Variants in RAB37 observed in about 807,000 individuals in gnomAD.
RAB37 encodes RAB37, member RAS oncogene family, also known as ras-related protein Rab-37.
In RAB37, 29 loss-of-function variants were observed where a neutral mutation model predicts 33.1. That is an observed-to-expected ratio of 0.88 (90% CI 0.65 to 1.20). The LOEUF (loss-of-function observed/expected upper bound fraction) is 1.20. Among genes scored for constraint, RAB37 ranks in the 50% most tolerant of loss-of-function variants. The pLI is 0.00. For synonymous variants in RAB37, 128 were observed against 119.5 expected (o/e 1.07, Z -0.47); for missense variants, 299 against 301.1 (o/e 0.99, Z 0.05).
intron 1 of RAB37, chr17:74,677,423 T>C (rs1359800732): frequency 6.6e-6 from 1 of 152,194 alleles, no homozygotes. Flanking sequence ...GAAACAATGA[T>C]AATGATAATG....
At position 74,716,813 on chromosome 17, in the gene RAB37, G is replaced by A. The variant is rs546686847; in HGVS notation, c.73-12443G>A. Among the ~76,000 whole-genome samples, 41 of 152,320 alleles carry A rather than the reference G, an allele frequency of 2.7e-4. No homozygotes were observed. The South Asian group carries it at 7.7e-3, about 28-fold the overall frequency. ...AGAATCCCGGAGCTGGTTGTCACCA[G>A]GGCGTCCACTCCAAGGTTGTTTTTT... is the stretch of plus-strand genomic sequence containing the variant. On this transcript the variant is annotated intron_variant, in intron 1 of 7. Coordinates refer to the RAB37 transcript ENST00000340415.
In RAB37 at chr17:74,740,761, C is replaced by T. The variant is rs761242719; in HGVS notation, c.94-7C>T. 14 of 1,605,178 alleles carry T rather than the reference C, an allele frequency of 8.7e-6. No homozygotes were observed. The highest frequency in any genetic ancestry group is 4.5e-5 in the East Asian group (2 of 44,830). ...CCCCATTAACTGCCTCTGCCCCTAC[C>T]CCCTAGGTGATGCTTCTGGGAGACA... On this transcript the variant is annotated splice_region_variant and splice_polypyrimidine_tract_variant and intron_variant, in intron 1 of 8. Transcript: ENST00000392613.
chr17:74,741,971 C>T (rs1480909941), intron 2 of RAB37, among the ~76,000 whole-genome samples: 1 of 152,204 alleles, frequency 6.6e-6, no homozygotes, highest in Non-Finnish European at 1.5e-5. Flanking sequence ...ACCAGCCCTC[C>T]AGCCCTGGGC....
chr17:74,728,193 C>T (rs545681837), intron 1 of RAB37, among the ~76,000 whole-genome samples: 12 of 149,614 alleles, frequency 8.0e-5, no homozygotes, highest in South Asian at 2.1e-4. Context: ...CATGTCTGTG[C>T]GAATGTGTGT....
intron 1 of RAB37, chr17:74,694,297 A>G (rs886976858): frequency 7.2e-5 from 11 of 152,350 alleles, no homozygotes; most frequent in African/African-American, 2.6e-4. Context: ...GCTGTAACAA[A>G]TTAGCACCAA....
chr17:74,743,429 G>T, intron 5 of RAB37, 89 bp downstream of exon 5: 1 of 1,359,242 alleles, frequency 7.4e-7, no homozygotes, highest in South Asian at 1.2e-5. Context: ...TGTGGAAAGC[G>T]GGTGGAGCGT....
In RAB37 at chr17:74,745,324, C is replaced by A. The variant is rs201075341; in HGVS notation, c.585C>A (p.Ala195=). ...CTTCAAGGGAACTGAAATACCGGGC[C>A]GGGCATCAGGCGGATGAGCCCAGCT... ...LAIAKELKYR[A]GHQADEPSFQ... The change falls in exon 9 of 9, where the codon GCC becomes GCA. Residue 195 remains alanine (A), a synonymous_variant. Coordinates refer to ENST00000392613, the MANE Select transcript of RAB37 (RefSeq NM_001006638.3). The surrounding 1 kb of genome is among the most constrained non-coding windows in gnomAD (Gnocchi z 4.5). The A allele has an allele frequency of 1.9e-6, 3 of 1,614,034 alleles. No individual in the cohort carries two copies. Among genetic ancestry groups the A allele is most frequent in the Non-Finnish European group, 8.5e-7 (1 of 1,179,980 alleles).
intron 1 of RAB37, among the ~76,000 whole-genome samples, chr17:74,701,236 T>A: frequency 6.6e-6 from 1 of 152,234 alleles, no homozygotes; most frequent in East Asian, 1.9e-4. Context: ...GTCAATTAAT[T>A]GTGTCAACCC....
Position 74,742,368 on chromosome 17 carries a change from G to A in RAB37, c.246+73G>A, listed in dbSNP as rs549510945. ...TTCCTTCTCACCCTGAACCACAGGAGGCCTGCAGCCCTGCCCTCCGCCTGG... is the reference window on the plus strand; with the variant it reads ...TTCCTTCTCACCCTGAACCACAGGAAGCCTGCAGCCCTGCCCTCCGCCTGG... On this transcript the variant is annotated intron_variant, in intron 3 of 8. Coordinates refer to ENST00000392613, the MANE Select transcript of RAB37 (RefSeq NM_001006638.3). The surrounding 1 kb of genome is among the most constrained non-coding windows in gnomAD (Gnocchi z 4.0). 16 of 1,274,822 alleles carry A rather than the reference G, an allele frequency of 1.3e-5. 1 individual carries two copies. In the South Asian group the frequency reaches 1.8e-4, roughly 14 times the overall value. The allele number at this position is 1,274,822 out of a possible 1,614,324, so 79.0% of individuals were successfully genotyped here.
chr17:74,672,482 G>A (rs1213681457), intron 1 of RAB37, among the ~76,000 whole-genome samples: 1 of 152,086 alleles, frequency 6.6e-6, no homozygotes, highest in Admixed American at 6.6e-5. Flanking sequence ...TGATCCTATA[G>A]GTGGAGTTTT....
chr17:74,697,249 A>G, intron 1 of RAB37, among the ~76,000 whole-genome samples: 1 of 152,020 alleles, frequency 6.6e-6, no homozygotes, highest in East Asian at 1.9e-4. Flanking sequence ...CAGAGATTGG[A>G]TTGGATTGTT....
At chr17:74,684,959 T>C (rs2032026136) in intron 1 of RAB37, among the ~76,000 whole-genome samples, 1 of 152,136 alleles carries the variant, frequency 6.6e-6, no homozygotes, top group Non-Finnish European at 1.5e-5. Flanking sequence ...AATCACTACA[T>C]AGAATTCCAT....
At chr17:74,727,618 C>T (rs560885373) in intron 1 of RAB37, among the ~76,000 whole-genome samples, 2 of 152,256 alleles carry the variant, frequency 1.3e-5, no homozygotes, top group African/African-American at 2.4e-5. Context: ...GCAAACATGA[C>T]AATGATGGCT....
chr17:74,713,948 G>C (rs1422874526), intron 1 of RAB37, among the ~76,000 whole-genome samples: 1 of 141,356 alleles, frequency 7.1e-6, no homozygotes, highest in Non-Finnish European at 1.5e-5. Flanking sequence ...GGTGGCTCAT[G>C]CCTGTAATCC....
chr17:74,730,823 G>A lies in RAB37; in HGVS notation c.183+1457G>A, dbSNP rs1049560170. Among the ~76,000 whole-genome samples the A allele has an allele frequency of 2.0e-5, 3 of 152,236 alleles. No individual in the cohort carries two copies. Among genetic ancestry groups the A allele is most frequent in the African/African-American group, 4.8e-5 (2 of 41,452 alleles). On this transcript the variant is annotated intron_variant, in intron 2 of 7. Transcript: ENST00000340415. This position sits in a 1 kb window ranked among gnomAD's most constrained non-coding sequence, Gnocchi z 4.4. Reference sequence around the variant, plus strand: ...TGTGGACATGCAAAGTCTGACTCACGTTCCACAGACCACAGAGGTGAGATC... The same window carrying A: ...TGTGGACATGCAAAGTCTGACTCACATTCCACAGACCACAGAGGTGAGATC...
intron 1 of RAB37, among the ~76,000 whole-genome samples, chr17:74,711,264 C>T (rs1368168129): frequency 6.6e-6 from 1 of 152,010 alleles, no homozygotes; most frequent in African/African-American, 2.4e-5. Flanking sequence ...TGCCTGCTGG[C>T]TTTTCTGCCC....
chr17:74,745,552 A>G lies in RAB37; in HGVS notation c.*141A>G. On this transcript the variant is annotated 3_prime_UTR_variant, in exon 9 of 9. Transcript: ENST00000392613. The surrounding 1 kb of genome is among the most constrained non-coding windows in gnomAD (Gnocchi z 4.5). ...CACAGCCGCTTCCTAGCAGGGAGCT[A>G]TACTCCAACTCCTACTTGAGTTCCT... 1 of 658,940 alleles carries G rather than the reference A, an allele frequency of 1.5e-6. No individual in the cohort carries two copies. 40.8% of individuals were successfully genotyped at this position (658,940 alleles called of 1,614,324 possible).
chr17:74,678,802 T>C (rs2031894607), intron 1 of RAB37, among the ~76,000 whole-genome samples: 1 of 152,112 alleles, frequency 6.6e-6, no homozygotes, highest in South Asian at 2.1e-4. Context: ...CCTTAGCTTT[T>C]GTTATGAGCC....
rs1317512135 is a variant in RAB37, at chr17:74,696,304, G to A, written c.72+24646G>A. ...AGGTCTAGGGAAGAGAAATATGGAA[G>A]AAAAGAGGTGAATTGGGTCCAGGCT... is the stretch of plus-strand genomic sequence containing the variant. On this transcript the variant is annotated intron_variant, in intron 1 of 7. Coordinates refer to the RAB37 transcript ENST00000340415. The A allele has an allele frequency of 5.7e-6, 8 of 1,402,970 alleles. No homozygotes were observed. The East Asian group carries it at 1.5e-4, about 26-fold the overall frequency. 86.9% of individuals were successfully genotyped at this position (1,402,970 alleles called of 1,614,324 possible).
Sources: gnomAD v4.1 joint callset for allele counts (sites outside exome capture counted in the v4.1 genomes callset) on GRCh38, gnomAD v4.1.1 for gene constraint, Gnocchi (gnomAD v3.1) non-coding constraint, MANE v1.5 for transcripts, NCBI Gene and HGNC (gene_info 2026-07-23, HGNC 2026-07-21) for gene names.